MEIKIN: variants seen among roughly 807,000 people sequenced by gnomAD.
The protein encoded by MEIKIN is meiosis-specific kinetochore protein.
At chr5:131,859,409 T>C (rs764212081) in intron 9 of MEIKIN, among the ~76,000 whole-genome samples, 1 of 152,198 alleles carries the variant, frequency 6.6e-6, no homozygotes, top group Non-Finnish European at 1.5e-5. Flanking sequence ...TATTGGATAA[T>C]GGGGATAGAT....
chr5:131,924,717 G>A (rs771104903), intron 5 of MEIKIN, among the ~76,000 whole-genome samples: 15 of 151,750 alleles, frequency 9.9e-5, no homozygotes, highest in African/African-American at 1.5e-4. Context: ...AGTTCCTTAC[G>A]CATTTTAATT....
intron 9 of MEIKIN, among the ~76,000 whole-genome samples, chr5:131,871,323 G>T (rs1478446736): frequency 6.6e-6 from 1 of 152,214 alleles, no homozygotes; most frequent in Non-Finnish European, 1.5e-5. Flanking sequence ...TTCCCAACTG[G>T]CTTAAAAAAC....
rs1252540871 is a variant in MEIKIN, at chr5:131,933,550, A to G, written c.441T>C (p.Phe147=). 7.5e-6 allele frequency: 3 copies of G among 398,802 alleles called. No individual in the cohort carries two copies. The highest frequency in any genetic ancestry group is 2.1e-5 in the African/African-American group (1 of 48,618). 24.7% of individuals were successfully genotyped at this position (398,802 alleles called of 1,614,324 possible). ...ATTTTCTGAACAGTTCAGGTGATGG[A>G]AAGCTCTCTTCAAAACTCTTGTATT... ...YAEYKSFEES[F]PSPELFRKSD... The change falls in exon 5 of 13, where the codon TTT becomes TTC. Residue 147 remains phenylalanine, a synonymous_variant. Transcript: ENST00000442687.
At chr5:131,856,272 GGA>G (rs1750191986) in intron 9 of MEIKIN, among the ~76,000 whole-genome samples, 1 of 152,168 alleles carries the variant, frequency 6.6e-6, no homozygotes, top group Non-Finnish European at 1.5e-5. Flanking sequence ...TATGGTGTCT[GGA>G]GAGTAGGAGC....
At chr5:131,908,558 A>C (rs1261749682) in intron 8 of MEIKIN, among the ~76,000 whole-genome samples, 1 of 152,204 alleles carries the variant, frequency 6.6e-6, no homozygotes, top group East Asian at 1.9e-4. Context: ...TATTCAACAT[A>C]GTATCGGAAG....
intron 5 of MEIKIN, among the ~76,000 whole-genome samples, chr5:131,931,705 TG>T (rs1751696506): frequency 6.6e-6 from 1 of 152,182 alleles, no homozygotes; most frequent in Non-Finnish European, 1.5e-5. Flanking sequence ...TGCAGGCGCC[TG>T]TCGACTATTT....
At chr5:131,841,241 G>A (rs924707628) in intron 11 of MEIKIN, among the ~76,000 whole-genome samples, 7 of 152,126 alleles carry the variant, frequency 4.6e-5, no homozygotes, top group Admixed American at 1.3e-4. Flanking sequence ...TTGCGGGGGT[G>A]AGGTGCTCCC....
chr5:131,930,286 A>G (rs1340123315), intron 5 of MEIKIN, among the ~76,000 whole-genome samples: 6 of 152,276 alleles, frequency 3.9e-5, no homozygotes, highest in East Asian at 1.9e-4. Context: ...AGAAGAAGAC[A>G]TACTTCTTTA....
In MEIKIN at chr5:131,835,131, T is replaced by C. The variant is rs143160529; in HGVS notation, c.975+16133A>G. On this transcript the variant is annotated intron_variant, in intron 11 of 12. Coordinates refer to ENST00000442687, the MANE Select transcript of MEIKIN (RefSeq NM_001303622.2). ...TTCAGGTCCTTTGAGCATTTTTTAATCTAGCTATTTGGTTTTTTGCTAGAG... is the reference window on the plus strand; with the variant it reads ...TTCAGGTCCTTTGAGCATTTTTTAACCTAGCTATTTGGTTTTTTGCTAGAG... 2.0e-5 allele frequency among the ~76,000 whole-genome samples: 3 copies of C among 149,450 alleles called. No individual in the cohort carries two copies. In the East Asian group the frequency reaches 5.8e-4, roughly 29 times the overall value.
rs558668106 is a variant in MEIKIN at position 131,833,674 on chromosome 5, T to TTATTCACTATCACGAG, written c.976-14827_976-14812dup. On this transcript the variant is annotated intron_variant, in intron 11 of 12. Transcript: ENST00000442687. ...ATAAACCCATCAGATCTTCTGAGGC[T>TTATTCACTATCACGAG]TATTCACTATCACGAGTATAGCATG... 3.7e-3 allele frequency among the ~76,000 whole-genome samples: 564 copies of TTATTCACTATCACGAG among 152,304 alleles called. 3 individuals carry two copies. Among genetic ancestry groups the TTATTCACTATCACGAG allele is most frequent in the African/African-American group, 0.013 (535 of 41,564 alleles).
At chr5:131,813,532 T>C (rs548892271) in intron 12 of MEIKIN, among the ~76,000 whole-genome samples, 1 of 151,674 alleles carries the variant, frequency 6.6e-6, no homozygotes, top group Non-Finnish European at 1.5e-5. Flanking sequence ...GTTCACGCCA[T>C]TCTCCTGCCT....
At chr5:131,809,564 T>C (rs879721988) in intron 12 of MEIKIN, among the ~76,000 whole-genome samples, 6 of 152,032 alleles carry the variant, frequency 3.9e-5, no homozygotes, top group Non-Finnish European at 5.9e-5. Context: ...ATCCCAGCAC[T>C]TTGGGAGGCT....
At chr5:131,879,498 T>C (rs1566428) in intron 8 of MEIKIN, among the ~76,000 whole-genome samples, 22 of 152,252 alleles carry the variant, frequency 1.4e-4, no homozygotes, top group Admixed American at 1.4e-3. Context: ...AGTGTACCTG[T>C]TTACTGCAAC....
rs1319333287 is a variant in MEIKIN at position 131,933,555 on chromosome 5, T to G, written c.436A>C (p.Ser146Arg). The change falls in exon 5 of 13, where the codon AGC becomes CGC. Residue 146 changes from serine to arginine, a missense_variant. Ser to Arg is a moderately radical substitution (Grantham distance 110). Coordinates refer to ENST00000442687, the MANE Select transcript of MEIKIN (RefSeq NM_001303622.2). ...SYAEYKSFEE[S>R]FPSPELFRKS... The stretch of plus-strand genomic sequence containing the variant: ...CTGAACAGTTCAGGTGATGGAAAGC[T>G]CTCTTCAAAACTCTTGTATTCTGCA... 1 of 398,946 alleles carries G rather than the reference T, an allele frequency of 2.5e-6. No individual in the cohort carries two copies. Among genetic ancestry groups the G allele is most frequent in the Non-Finnish European group, 4.4e-6 (1 of 226,004 alleles). 24.7% of individuals were successfully genotyped at this position (398,946 alleles called of 1,614,324 possible).
intron 8 of MEIKIN, among the ~76,000 whole-genome samples, chr5:131,893,847 A>G (rs1379372976): frequency 6.6e-6 from 1 of 152,116 alleles, no homozygotes; most frequent in African/African-American, 2.4e-5. Flanking sequence ...CTCTGATGGT[A>G]GTTTCCTTCA....
intron 6 of MEIKIN, among the ~76,000 whole-genome samples, chr5:131,918,911 C>T (rs1276755633): frequency 6.6e-6 from 1 of 152,084 alleles, no homozygotes. Flanking sequence ...ACATAAGACC[C>T]TATGATCTTG....
At position 131,870,291 on chromosome 5, in the gene MEIKIN, C is replaced by T. The variant is rs139856181; in HGVS notation, c.774+8687G>A. 6.9e-3 allele frequency among the ~76,000 whole-genome samples: 1,058 copies of T among 152,236 alleles called. 24 individuals carry two copies. The highest frequency in any genetic ancestry group is 0.057 in the Admixed American group (878 of 15,296). The stretch of plus-strand genomic sequence containing the variant: ...GTCTTTATAATACTGGACCTTCAAG[C>T]AGCATTCAACACTGTTGACCATTTC... On this transcript the variant is annotated intron_variant, in intron 9 of 12. Coordinates refer to ENST00000442687, the MANE Select transcript of MEIKIN (RefSeq NM_001303622.2).
chr5:131,847,992 C>T (rs1750047113), intron 11 of MEIKIN, among the ~76,000 whole-genome samples: 2 of 151,922 alleles, frequency 1.3e-5, no homozygotes, highest in South Asian at 2.1e-4. Context: ...AAAACAAAAC[C>T]ACAACATAAC....
chr5:131,813,429 C>CGT (rs1554102333), intron 12 of MEIKIN, among the ~76,000 whole-genome samples: 1 of 140,666 alleles, frequency 7.1e-6, no homozygotes, highest in African/African-American at 2.6e-5. Flanking sequence ...TAACTATATT[C>CGT]TTTTTTTTTT....
Sources: gnomAD v4.1 joint callset for allele counts (sites outside exome capture counted in the v4.1 genomes callset) on GRCh38, gnomAD v4.1.1 for gene constraint, MANE v1.5 for transcripts, NCBI Gene and HGNC (gene_info 2026-07-23, HGNC 2026-07-21) for gene names.